TINAG: variants seen among roughly 807,000 people sequenced by gnomAD.
TINAG encodes the protein tubulointerstitial nephritis antigen.
Under a neutral mutation model 72.7 loss-of-function variants are expected in TINAG, and 83 were observed. The observed-to-expected ratio is 1.14, with a 90% CI of 0.96 to 1.37. The LOEUF is 1.37. TINAG is among the 40% of genes most tolerant of loss of function. TINAG has a pLI of 0.00. For missense variants in TINAG, 685 were observed against 576.6 expected (o/e 1.19, Z -1.93); for synonymous variants, 234 against 189.9 (o/e 1.23, Z -1.91).
chr6:54,358,880 G>A (rs551226604), intron 9 of TINAG, among the ~76,000 whole-genome samples: 9 of 151,818 alleles, frequency 5.9e-5, no homozygotes, highest in Non-Finnish European at 8.8e-5. Context: ...ACATCTGATC[G>A]CATTAGCTTG....
At position 54,326,984 on chromosome 6, in the gene TINAG, G is replaced by A. The variant is rs773718072; in HGVS notation, c.624+68G>A. 9 of 1,597,414 alleles carry A rather than the reference G, an allele frequency of 5.6e-6. No homozygotes were observed. In the South Asian group the frequency reaches 1.0e-4, roughly 18 times the overall value. On this transcript the variant is annotated intron_variant, in intron 4 of 10. Coordinates refer to ENST00000259782, the MANE Select transcript of TINAG (RefSeq NM_014464.4). The stretch of plus-strand genomic sequence containing the variant: ...AAGTGTGTTTGTGTGTGCATTAAAA[G>A]CAATTATAAATCACTAAAATAATGA...
chr6:54,387,901 T>C (rs1241485248), intron 10 of TINAG, among the ~76,000 whole-genome samples: 1 of 152,116 alleles, frequency 6.6e-6, no homozygotes, highest in African/African-American at 2.4e-5. Context: ...TCCTGAGGTG[T>C]ATTTTATTAG....
chr6:54,344,027 C>T (rs991414320), intron 5 of TINAG, among the ~76,000 whole-genome samples: 4 of 152,134 alleles, frequency 2.6e-5, no homozygotes, highest in African/African-American at 9.7e-5. Context: ...CCAAAATTGT[C>T]CTCAAAGGAG....
chr6:54,349,643 A>G, intron 6 of TINAG, 73 bp from the exon 7 acceptor site: 3 of 1,282,146 alleles, frequency 2.3e-6, no homozygotes, highest in Non-Finnish European at 3.1e-6. Flanking sequence ...TTAATTCAGT[A>G]AGATTAAATA....
At chr6:54,377,657 G>A (rs956711008) in intron 9 of TINAG, among the ~76,000 whole-genome samples, 1 of 152,126 alleles carries the variant, frequency 6.6e-6, no homozygotes, top group African/African-American at 2.4e-5. Context: ...GAGCAAATAT[G>A]AATATAATGA....
chr6:54,347,240 T>G, intron 5 of TINAG, 127 bp from the exon 6 acceptor site: 1 of 860,730 alleles, frequency 1.2e-6, no homozygotes. Context: ...ATTAATGCTC[T>G]TTGGCTTTAA....
chr6:54,379,066 C>A (rs953178478), intron 9 of TINAG, among the ~76,000 whole-genome samples: 1 of 152,106 alleles, frequency 6.6e-6, no homozygotes, highest in Non-Finnish European at 1.5e-5. Flanking sequence ...TGCATCTCTT[C>A]TAGGAATGTT....
chr6:54,351,769 T>A (rs1223905167), intron 8 of TINAG, among the ~76,000 whole-genome samples: 1 of 151,948 alleles, frequency 6.6e-6, no homozygotes, highest in African/African-American at 2.4e-5. Flanking sequence ...TTAAGAATCA[T>A]ACATACAGTT....
chr6:54,327,326 A>T, intron 4 of TINAG: 1 of 713,454 alleles, frequency 1.4e-6, no homozygotes, highest in Non-Finnish European at 2.0e-6. Flanking sequence ...GTAGGATGTC[A>T]CCTCACCCAG....
intron 5 of TINAG, among the ~76,000 whole-genome samples, chr6:54,344,884 AC>A (rs1785084007): frequency 6.6e-6 from 1 of 152,214 alleles, no homozygotes. Flanking sequence ...AAAAAAATAA[AC>A]TAAATTATCA....
chr6:54,386,791 C>T (rs1764111209), intron 10 of TINAG, among the ~76,000 whole-genome samples: 1 of 151,548 alleles, frequency 6.6e-6, no homozygotes, highest in South Asian at 2.1e-4. Context: ...GGAGCAGAGA[C>T]CATGTAATTG....
At chr6:54,366,669 G>A (rs1175315524) in intron 9 of TINAG, among the ~76,000 whole-genome samples, 1 of 150,506 alleles carries the variant, frequency 6.6e-6, no homozygotes, top group Middle Eastern at 3.4e-3. Flanking sequence ...ATGGAGATAG[G>A]ATAGGGATAT....
intron 4 of TINAG, 109 bp from the exon 5 acceptor site, chr6:54,343,117 T>C: frequency 1.0e-6 from 1 of 964,106 alleles, no homozygotes; most frequent in South Asian, 4.2e-5. Context: ...GAAACTTGGA[T>C]GTATAAAATA....
Position 54,343,299 on chromosome 6 carries a change from GC to G in TINAG, c.701del (p.Pro234HisfsTer23). 1 of 1,573,934 alleles carries G rather than the reference GC, an allele frequency of 6.4e-7. No homozygotes were observed. Among genetic ancestry groups the G allele is most frequent in the Non-Finnish European group, 8.6e-7 (1 of 1,158,016 alleles). ...ASYKWPGWTHGPLDQKNCAAS... is the reference protein window; with the variant it reads ...ASYKWPGWTHXPLDQKNCAAS... ...TATAAATGGCCTGGATGGACTCATGGCCCATTGGATCAAAAAAATTGTGCTG... is the reference window on the plus strand; with the variant it reads ...TATAAATGGCCTGGATGGACTCATGGCCATTGGATCAAAAAAATTGTGCTG... On this transcript the variant is annotated frameshift_variant, in exon 5 of 11. Coordinates refer to ENST00000259782, the MANE Select transcript of TINAG (RefSeq NM_014464.4). LOFTEE classifies it high-confidence loss of function.
chr6:54,325,907 A>T (rs1489251896), intron 3 of TINAG, among the ~76,000 whole-genome samples: 1 of 152,300 alleles, frequency 6.6e-6, no homozygotes, highest in South Asian at 2.1e-4. Flanking sequence ...ATTATTAAAA[A>T]TTAAGTTGTG....
At chr6:54,323,872 T>A (rs1260691183) in intron 3 of TINAG, among the ~76,000 whole-genome samples, 2 of 152,156 alleles carry the variant, frequency 1.3e-5, no homozygotes, top group Non-Finnish European at 2.9e-5. Flanking sequence ...TAGAATTGCT[T>A]GAACCCAGGA....
In TINAG at chr6:54,314,242, T is replaced by C. The variant is rs16885209; in HGVS notation, c.355+5337T>C. ...CATAAGATATTTTGCCTGGATTCAC[T>C]TTGTCATTAGCCACGAGGCTCCATG... On this transcript the variant is annotated intron_variant, in intron 1 of 10. Transcript: ENST00000259782. 0.027 allele frequency among the ~76,000 whole-genome samples: 4,068 copies of C among 152,298 alleles called. 281 individuals are homozygous for C. In the East Asian group the frequency reaches 0.3, roughly 11 times the overall value.
intron 9 of TINAG, among the ~76,000 whole-genome samples, chr6:54,362,667 G>T (rs1763275131): frequency 6.6e-6 from 1 of 151,438 alleles, no homozygotes; most frequent in South Asian, 2.1e-4. Flanking sequence ...ATCTCATAAG[G>T]CTATACCTGC....
In TINAG at chr6:54,363,693, C is replaced by T. The variant is rs906755833; in HGVS notation, c.1250+9057C>T. On this transcript the variant is annotated intron_variant, in intron 9 of 10. Transcript: ENST00000259782. ...AAAGTTGAGCATGGGTAGGGCTACA[C>T]AGAAAAAGAAGACAGACTGATTGAG... 2.0e-5 allele frequency among the ~76,000 whole-genome samples: 3 copies of T among 149,850 alleles called. No individual in the cohort carries two copies. The East Asian group carries it at 5.9e-4, about 29-fold the overall frequency.
Sources: gnomAD v4.1 joint callset for allele counts (sites outside exome capture counted in the v4.1 genomes callset) on GRCh38, gnomAD v4.1.1 for gene constraint, MANE v1.5 for transcripts, NCBI Gene and HGNC (gene_info 2026-07-23, HGNC 2026-07-21) for gene names.